CNTN5: variants seen among roughly 807,000 people sequenced by gnomAD.
CNTN5 encodes contactin 5.
In CNTN5, 77 loss-of-function variants were observed where a neutral mutation model predicts 129.1. That is an observed-to-expected ratio of 0.60 (90% CI 0.50 to 0.72). CNTN5 has a LOEUF of 0.72. CNTN5 is among the 30% of genes least tolerant of loss of function. The pLI, the probability that CNTN5 is intolerant of heterozygous loss-of-function variation, is 0.00. For synonymous variants in CNTN5, 509 were observed against 465.6 expected (o/e 1.09, Z -1.20); for missense variants, 1,478 against 1,328.8 (o/e 1.11, Z -1.75).
At chr11:99,234,250 AGT>A (rs1769694881) in intron 1 of CNTN5, among the ~76,000 whole-genome samples, 1 of 152,154 alleles carries the variant, frequency 6.6e-6, no homozygotes, top group Admixed American at 6.6e-5. Flanking sequence ...GGCTGGGAAG[AGT>A]GTGTTGGACG....
At chr11:99,775,630 C>T (rs923386951) in intron 3 of CNTN5, among the ~76,000 whole-genome samples, 9 of 151,932 alleles carry the variant, frequency 5.9e-5, no homozygotes, top group East Asian at 1.9e-4. Context: ...AAGTTTTCTT[C>T]GGGCATATGC....
At chr11:99,969,999 GCTATTAATTACATTACCTTTCTC>G (rs556935719) in intron 8 of CNTN5, among the ~76,000 whole-genome samples, 1 of 152,178 alleles carries the variant, frequency 6.6e-6, no homozygotes, top group South Asian at 2.1e-4. Context: ...TGACATTTGT[GCTATTAATTACATTACCTTTCTC>G]CTAGTCATCA....
At chr11:99,091,433 C>A (rs949163479) in intron 1 of CNTN5, among the ~76,000 whole-genome samples, 3 of 152,276 alleles carry the variant, frequency 2.0e-5, no homozygotes, top group Non-Finnish European at 2.9e-5. Flanking sequence ...CTGTAAGGCA[C>A]AAGGAACCAA....
At chr11:99,566,841 A>G (rs1024644536) in intron 3 of CNTN5, among the ~76,000 whole-genome samples, 2 of 152,192 alleles carry the variant, frequency 1.3e-5, no homozygotes, top group African/African-American at 4.8e-5. Flanking sequence ...TTAACATTCT[A>G]TCCTTTGGTT....
rs377122562 is a variant in CNTN5, at chr11:100,182,829, A to G, written c.1581-8297A>G. The stretch of plus-strand genomic sequence containing the variant: ...ATGAGGAATTTCTGTTTTTGGAAAA[A>G]CATTGAGAAATGCCACAGACTGGTA... On this transcript the variant is annotated intron_variant, in intron 13 of 24. Transcript: ENST00000524871. Among the ~76,000 whole-genome samples, 51 of 152,190 alleles carry G rather than the reference A, an allele frequency of 3.4e-4. 1 individual carries two copies. The highest frequency in any genetic ancestry group is 1.2e-3 in the African/African-American group (50 of 41,556).
At chr11:99,832,130 C>T (rs901917509) in intron 4 of CNTN5, among the ~76,000 whole-genome samples, 5 of 152,124 alleles carry the variant, frequency 3.3e-5, no homozygotes, top group East Asian at 1.9e-4. Flanking sequence ...ATTTTGGACT[C>T]GAGTAAGAAA....
chr11:99,562,490 A>C (rs1238767743), intron 3 of CNTN5, among the ~76,000 whole-genome samples: 1 of 152,166 alleles, frequency 6.6e-6, no homozygotes, highest in Non-Finnish European at 1.5e-5. Flanking sequence ...TTCGTTACAA[A>C]TAAAATATAA....
At chr11:99,479,162 T>A (rs1415432049) in intron 2 of CNTN5, among the ~76,000 whole-genome samples, 1 of 152,052 alleles carries the variant, frequency 6.6e-6, no homozygotes, top group Admixed American at 6.6e-5. Context: ...TCTAGTTTCA[T>A]TAATTCTTAT....
At chr11:100,170,973 A>AG (rs1591351134) in intron 13 of CNTN5, among the ~76,000 whole-genome samples, 1 of 151,952 alleles carries the variant, frequency 6.6e-6, no homozygotes, top group Non-Finnish European at 1.5e-5. Context: ...TTTATACATG[A>AG]GGGGGATGAG....
At chr11:99,165,033 TG>T (rs1404650660) in intron 1 of CNTN5, among the ~76,000 whole-genome samples, 4 of 152,204 alleles carry the variant, frequency 2.6e-5, no homozygotes, top group African/African-American at 4.8e-5. Context: ...TTTTTTTAGT[TG>T]TTGGGTAACA....
In CNTN5 at chr11:99,334,342, A is replaced by T. The variant is rs548288768; in HGVS notation, c.-71+8858A>T. ...AAGGAAACTGTAAGCATATTAAATA[A>T]TTCTACTTGCAAAGAAACTTTGAAA... On this transcript the variant is annotated intron_variant, in intron 2 of 24. Transcript: ENST00000524871. 2.6e-5 allele frequency among the ~76,000 whole-genome samples: 4 copies of T among 152,254 alleles called. No individual in the cohort carries two copies. In the East Asian group the frequency reaches 7.7e-4, roughly 29 times the overall value.
intron 3 of CNTN5, among the ~76,000 whole-genome samples, chr11:99,724,145 G>C (rs1441417785): frequency 6.6e-6 from 1 of 152,068 alleles, no homozygotes; most frequent in East Asian, 1.9e-4. Flanking sequence ...ATGTGAACAG[G>C]CTCCTCTTCA....
intron 1 of CNTN5, among the ~76,000 whole-genome samples, chr11:99,200,713 G>T (rs1370051820): frequency 6.6e-6 from 1 of 152,144 alleles, no homozygotes; most frequent in East Asian, 1.9e-4. Flanking sequence ...ACAGGAGCTG[G>T]TGCATAAGGA....
At chr11:99,981,077 G>A (rs185495704) in intron 8 of CNTN5, among the ~76,000 whole-genome samples, 59 of 57,544 alleles carry the variant, frequency 1.0e-3, no homozygotes, top group Middle Eastern at 0.012. Flanking sequence ...GAGCCAATAG[G>A]ATATATATAT....
chr11:99,091,411 T>C (rs1664441453), intron 1 of CNTN5, among the ~76,000 whole-genome samples: 1 of 152,158 alleles, frequency 6.6e-6, no homozygotes, highest in South Asian at 2.1e-4. Flanking sequence ...AATGATAAAG[T>C]TGTTGAAAGG....
chr11:99,127,989 G>C (rs57301838), intron 1 of CNTN5, among the ~76,000 whole-genome samples: 25,637 of 152,062 alleles, frequency 0.17, 2,599 homozygotes, highest in East Asian at 0.41. Flanking sequence ...TTAATGATGA[G>C]CAATATAATA....
At chr11:100,305,947 TAA>T (rs60794756) in intron 20 of CNTN5, among the ~76,000 whole-genome samples, 57 of 121,038 alleles carry the variant, frequency 4.7e-4, no homozygotes, top group East Asian at 1.1e-3. Flanking sequence ...GCTGATTAGC[TAA>T]AAAAAAAAAA....
In CNTN5 at chr11:99,914,331, C is replaced by T. The variant is rs1038744210; in HGVS notation, c.578-1723C>T. 2.6e-5 allele frequency among the ~76,000 whole-genome samples: 4 copies of T among 152,082 alleles called. No homozygotes were observed. In the Middle Eastern group the frequency reaches 0.014, roughly 517 times the overall value. On this transcript the variant is annotated intron_variant, in intron 6 of 24. Coordinates refer to ENST00000524871, the MANE Select transcript of CNTN5 (RefSeq NM_014361.4). ...AAGGAAGTCAAATTAGAAATCTTGC[C>T]ATGCTTTGATTTCATATTAAGATCA...
chr11:100,012,293 TAACA>T (rs959959425), intron 9 of CNTN5, among the ~76,000 whole-genome samples: 1 of 152,124 alleles, frequency 6.6e-6, no homozygotes, highest in Non-Finnish European at 1.5e-5. Context: ...TTGCATGACC[TAACA>T]AACGTGAATT....
Sources: allele counts gnomAD v4.1 joint callset (sites outside exome capture counted in the v4.1 genomes callset), GRCh38; gene constraint gnomAD v4.1.1; transcripts MANE v1.5; gene names NCBI Gene and HGNC (gene_info 2026-07-23, HGNC 2026-07-21).